The following KDM1A variants were observed in gnomAD, a reference collection of about 807,000 sequenced individuals.
The protein encoded by KDM1A is lysine-specific histone demethylase 1A.
KDM1A carries 49 observed loss-of-function variants against 109.4 expected under a neutral mutation model. The ratio of observed to expected loss-of-function variants is 0.45; its 90% CI spans 0.36 to 0.57. The LOEUF is 0.57. Among genes scored for constraint, KDM1A ranks in the 20% least tolerant of loss-of-function variants. The pLI is 0.00. For synonymous variants in KDM1A, 380 were observed against 415.4 expected (o/e 0.91, Z 1.04); for missense variants, 668 against 1,116.6 (o/e 0.60, Z 5.73).
intron 9 of KDM1A, among the ~76,000 whole-genome samples, chr1:23,064,952 C>CT (rs1192288623): frequency 6.6e-6 from 1 of 152,176 alleles, no homozygotes; most frequent in Non-Finnish European, 1.5e-5. Flanking sequence ...TCTTAGAACG[C>CT]TCTTAACATT....
chr1:23,053,613 T>A (rs1235875986), intron 4 of KDM1A, 148 bp from the exon 5 acceptor site: 2 of 628,628 alleles, frequency 3.2e-6, no homozygotes, highest in Non-Finnish European at 5.9e-6. Context: ...CTCAAACTCC[T>A]GGGCTCAAGT....
intron 2 of KDM1A, among the ~76,000 whole-genome samples, chr1:23,040,195 A>G (rs933401532): frequency 1.3e-5 from 2 of 152,210 alleles, no homozygotes; most frequent in African/African-American, 4.8e-5. Context: ...AACTAGTCAA[A>G]ATGTGAATCT....
intron 2 of KDM1A, among the ~76,000 whole-genome samples, chr1:23,039,222 G>A (rs555903419): frequency 6.6e-6 from 1 of 152,072 alleles, no homozygotes; most frequent in Non-Finnish European, 1.5e-5. Flanking sequence ...TTTGTTTGTA[G>A]CATTACTAGT....
At chr1:23,053,648 ACT>A in intron 4 of KDM1A, 111 bp from the exon 5 acceptor site, 1 of 725,180 alleles carries the variant, frequency 1.4e-6, no homozygotes. Context: ...AGCCTCCCAA[ACT>A]GCTGGGATTA....
At chr1:23,073,823 CT>C (rs1399401326) in intron 15 of KDM1A, among the ~76,000 whole-genome samples, 1 of 152,152 alleles carries the variant, frequency 6.6e-6, no homozygotes, top group Non-Finnish European at 1.5e-5. Context: ...TGAGATTCAT[CT>C]TTTTTGCCTG....
intron 9 of KDM1A, among the ~76,000 whole-genome samples, chr1:23,063,425 G>GT (rs1643075418): frequency 6.6e-6 from 1 of 152,086 alleles, no homozygotes; most frequent in Admixed American, 6.5e-5. Context: ...GGTATCTATC[G>GT]TAACTTTGCC....
At chr1:23,038,790 A>G (rs1195945024) in intron 2 of KDM1A, among the ~76,000 whole-genome samples, 1 of 152,206 alleles carries the variant, frequency 6.6e-6, no homozygotes, top group Non-Finnish European at 1.5e-5. Flanking sequence ...CTCCTGCTTC[A>G]AGCAAAACAA....
chr1:23,022,759 A>G (rs991503055), intron 1 of KDM1A, among the ~76,000 whole-genome samples: 8 of 146,752 alleles, frequency 5.5e-5, no homozygotes, highest in African/African-American at 2.0e-4. Flanking sequence ...CCTGGGTTCA[A>G]GCGATTCTCC....
At chr1:23,033,392 C>T (rs531289141) in intron 2 of KDM1A, among the ~76,000 whole-genome samples, 5 of 152,088 alleles carry the variant, frequency 3.3e-5, no homozygotes, top group Non-Finnish European at 7.4e-5. Flanking sequence ...TGTAGTGGCA[C>T]GTGCCTGTAA....
intron 16 of KDM1A, among the ~76,000 whole-genome samples, chr1:23,077,909 C>A (rs925809179): frequency 1.3e-4 from 20 of 152,324 alleles, no homozygotes; most frequent in African/African-American, 4.3e-4. Context: ...AAGTTGACTT[C>A]TTCAGAGATA....
chr1:23,072,058 G>A, intron 13 of KDM1A, 66 bp from the exon 14 acceptor site: 1 of 926,382 alleles, frequency 1.1e-6, no homozygotes, highest in Non-Finnish European at 1.7e-6. Flanking sequence ...TATACTTTGT[G>A]GTACAAAGAA....
At chr1:23,072,807 A>C (rs1419756031) in intron 14 of KDM1A, among the ~76,000 whole-genome samples, 7 of 152,032 alleles carry the variant, frequency 4.6e-5, no homozygotes, top group Admixed American at 3.9e-4. Context: ...CACCATGCCC[A>C]GCTAATTTTT....
intron 1 of KDM1A, among the ~76,000 whole-genome samples, chr1:23,024,523 G>T (rs1441176299): frequency 6.6e-6 from 1 of 152,208 alleles, no homozygotes; most frequent in Non-Finnish European, 1.5e-5. Context: ...TATGTTTAGG[G>T]TATTGGAAGG....
At chr1:23,031,555 A>G (rs763115040) in intron 2 of KDM1A, among the ~76,000 whole-genome samples, 1 of 151,578 alleles carries the variant, frequency 6.6e-6, no homozygotes, top group African/African-American at 2.4e-5. Context: ...TTCATTTGAG[A>G]TGTTTTATCT....
At chr1:23,036,402 C>A (rs1642143966) in intron 2 of KDM1A, among the ~76,000 whole-genome samples, 4 of 152,002 alleles carry the variant, frequency 2.6e-5, no homozygotes, top group Admixed American at 1.3e-4. Flanking sequence ...AAGTATGATG[C>A]ATACATTCAG....
intron 8 of KDM1A, 136 bp from the exon 9 acceptor site, chr1:23,058,937 C>CT (rs139330847): frequency 0.012 from 5,559 of 449,874 alleles, 10 homozygotes; most frequent in African/African-American, 0.019. Context: ...ACTTAGAGTG[C>CT]TTTTTTTTTT....
chr1:23,035,320 A>C (rs1219966080), intron 2 of KDM1A, among the ~76,000 whole-genome samples: 1 of 152,132 alleles, frequency 6.6e-6, no homozygotes, highest in Non-Finnish European at 1.5e-5. Flanking sequence ...CTCCTGCCTT[A>C]GTCTCTCAAG....
At chr1:23,032,325 G>T (rs1296585062) in intron 2 of KDM1A, among the ~76,000 whole-genome samples, 2 of 145,292 alleles carry the variant, frequency 1.4e-5, no homozygotes, top group Non-Finnish European at 3.0e-5. Context: ...TTTAAACCAT[G>T]TGTTGGTGTT....
intron 1 of KDM1A, 138 bp from the exon 2 acceptor site, chr1:23,030,331 G>T: frequency 1.8e-6 from 1 of 545,392 alleles, no homozygotes; most frequent in Non-Finnish European, 3.0e-6. Context: ...CCTATTATGA[G>T]CTGCCTTGTT....
Sources: gnomAD v4.1 joint callset for allele counts (sites outside exome capture counted in the v4.1 genomes callset) on GRCh38, gnomAD v4.1.1 for gene constraint, MANE v1.5 for transcripts, NCBI Gene and HGNC (gene_info 2026-07-23, HGNC 2026-07-21) for gene names.